The following IMMP2L variants were observed in gnomAD, a reference collection of about 807,000 sequenced individuals.
The protein encoded by IMMP2L is mitochondrial inner membrane protease subunit 2.
In IMMP2L, 18 loss-of-function variants were observed where a neutral mutation model predicts 19.3. The ratio of observed to expected loss-of-function variants is 0.93; its 90% CI spans 0.64 to 1.38. IMMP2L has a LOEUF of 1.38. Ranked by LOEUF, IMMP2L falls within the 40% of genes most tolerant of loss-of-function variation. The pLI is 0.00. For missense variants in IMMP2L, 233 were observed against 218.2 expected, an observed-to-expected ratio of 1.07 and a Z score of -0.43; for synonymous variants, 76 against 73.0, an observed-to-expected ratio of 1.04 and a Z score of -0.21.
At chr7:110,936,832 A>T (rs1048030714) in intron 4 of IMMP2L, among the ~76,000 whole-genome samples, 1 of 152,196 alleles carries the variant, frequency 6.6e-6, no homozygotes, top group African/African-American at 2.4e-5. Flanking sequence ...AGATAAAGAA[A>T]ATGTGGTACA....
intron 3 of IMMP2L, among the ~76,000 whole-genome samples, chr7:111,354,586 A>T (rs916808722): frequency 1.3e-5 from 2 of 148,518 alleles, no homozygotes; most frequent in Non-Finnish European, 3.0e-5. Context: ...ATAAGGCTTT[A>T]AAAAAAAAAG....
intron 3 of IMMP2L, among the ~76,000 whole-genome samples, chr7:111,241,192 T>A (rs1042370716): frequency 6.6e-6 from 1 of 151,970 alleles, no homozygotes; most frequent in Non-Finnish European, 1.5e-5. Context: ...TCAATAAGAT[T>A]ACATATATTT....
At chr7:111,548,787 T>C (rs1849179330) in intron 1 of IMMP2L, among the ~76,000 whole-genome samples, 1 of 152,212 alleles carries the variant, frequency 6.6e-6, no homozygotes, top group African/African-American at 2.4e-5. Context: ...CCTATTTCTA[T>C]TCTCTTCCCA....
At chr7:110,974,630 C>T (rs1820505514) in intron 3 of IMMP2L, among the ~76,000 whole-genome samples, 1 of 152,030 alleles carries the variant, frequency 6.6e-6, no homozygotes, top group African/African-American at 2.4e-5. Flanking sequence ...CATCTGTTTG[C>T]CTTGCTTTTT....
chr7:111,017,006 T>A (rs1825774171), intron 3 of IMMP2L, among the ~76,000 whole-genome samples: 1 of 131,938 alleles, frequency 7.6e-6, no homozygotes, highest in Admixed American at 9.1e-5. Context: ...ATATTATATA[T>A]AAACATTATA....
chr7:111,123,506 A>G lies in IMMP2L; in HGVS notation c.240-159941T>C, dbSNP rs766534500. 2.5e-6 allele frequency: 4 copies of G among 1,613,798 alleles called. No individual in the cohort carries two copies. Among genetic ancestry groups the G allele is most frequent in the Non-Finnish European group, 1.7e-6 (2 of 1,179,950 alleles). ...AACTTAGAAAGCATCTCTTTTTACG[A>G]TAACAGGCTTATTAAAGTACCCCAT... On this transcript the variant is annotated intron_variant, in intron 3 of 5. Transcript: ENST00000405709. The surrounding 1 kb of genome is among the most constrained non-coding windows in gnomAD (Gnocchi z 6.4).
chr7:111,023,672 A>G lies in IMMP2L; in HGVS notation c.240-60107T>C, dbSNP rs1358112231. 1.3e-5 allele frequency among the ~76,000 whole-genome samples: 2 copies of G among 152,184 alleles called. 1 individual carries two copies. ...CAGTGAGCCGAGATCATGCCATTGC[A>G]CTCCAGCCTGGGTAACCAGAGCAAA... On this transcript the variant is annotated intron_variant, in intron 3 of 5. Coordinates refer to ENST00000405709, the MANE Select transcript of IMMP2L (RefSeq NM_032549.4).
At chr7:111,312,864 G>C (rs1823663584) in intron 3 of IMMP2L, among the ~76,000 whole-genome samples, 1 of 152,018 alleles carries the variant, frequency 6.6e-6, no homozygotes, top group South Asian at 2.1e-4. Context: ...AAAGAAAGCA[G>C]AAACTACTAT....
At chr7:110,873,656 C>A (rs991103432) in intron 5 of IMMP2L, among the ~76,000 whole-genome samples, 47 of 150,998 alleles carry the variant, frequency 3.1e-4, no homozygotes, top group African/African-American at 1.1e-3. Flanking sequence ...CACCTGTAAT[C>A]CCAGCTACTC....
rs1563329904 is a variant in IMMP2L, at chr7:111,539,132, A to AGG, written c.-2-17684_-2-17683insCC. Among the ~76,000 whole-genome samples the AGG allele has an allele frequency of 2.6e-3, 163 of 61,646 alleles. 2 individuals carry two copies. The highest frequency in any genetic ancestry group is 0.01 in the African/African-American group (159 of 15,432). The allele number at this position is 61,646 out of a possible 152,430, so 40.4% of individuals were successfully genotyped here. On this transcript the variant is annotated intron_variant, in intron 1 of 5. Coordinates refer to ENST00000405709, the MANE Select transcript of IMMP2L (RefSeq NM_032549.4). ...GACTCCATCTCACAAAAAGAAAAGA[A>AGG]AAGGAAGGAAGGAAGGAAGGAAGGA...
At chr7:111,498,088 T>C (rs1297022822) in intron 2 of IMMP2L, among the ~76,000 whole-genome samples, 1 of 152,048 alleles carries the variant, frequency 6.6e-6, no homozygotes, top group Non-Finnish European at 1.5e-5. Flanking sequence ...ATTACTAATA[T>C]TTTTAAAGTT....
At chr7:111,250,946 C>T (rs1331989165) in intron 3 of IMMP2L, among the ~76,000 whole-genome samples, 1 of 152,106 alleles carries the variant, frequency 6.6e-6, no homozygotes, top group African/African-American at 2.4e-5. Context: ...GCAAAAGAAA[C>T]TATTATCAGA....
intron 3 of IMMP2L, among the ~76,000 whole-genome samples, chr7:111,024,465 C>A (rs999094000): frequency 6.6e-6 from 1 of 152,138 alleles, no homozygotes; most frequent in Non-Finnish European, 1.5e-5. Flanking sequence ...TCACCTCAAC[C>A]CAGGTAGTCT....
intron 3 of IMMP2L, among the ~76,000 whole-genome samples, chr7:111,189,035 C>T (rs1401191025): frequency 2.6e-5 from 4 of 152,030 alleles, no homozygotes; most frequent in Non-Finnish European, 5.9e-5. Flanking sequence ...CTACTAGTAC[C>T]GTTGAGAAAA....
At chr7:111,560,794 G>C (rs1791956834) in intron 1 of IMMP2L, among the ~76,000 whole-genome samples, 2 of 152,172 alleles carry the variant, frequency 1.3e-5, no homozygotes, top group African/African-American at 2.4e-5. Flanking sequence ...ATTAGCTATT[G>C]AATCAATGAA....
At chr7:110,749,544 C>T (rs960637515) in intron 5 of IMMP2L, among the ~76,000 whole-genome samples, 1 of 152,158 alleles carries the variant, frequency 6.6e-6, no homozygotes, top group African/African-American at 2.4e-5. Flanking sequence ...GGCACATATA[C>T]ACCATGGAAT....
At chr7:111,341,684 G>A (rs118030735) in intron 3 of IMMP2L, among the ~76,000 whole-genome samples, 1,573 of 152,206 alleles carry the variant, frequency 0.01, 13 homozygotes, top group Non-Finnish European at 0.016. Flanking sequence ...AACCAAAAAG[G>A]CAGATTTTTC....
chr7:111,490,803 A>G (rs1407537556), intron 2 of IMMP2L, among the ~76,000 whole-genome samples: 1 of 152,120 alleles, frequency 6.6e-6, no homozygotes, highest in Non-Finnish European at 1.5e-5. Context: ...AGTACTTACC[A>G]TGTGTCCTGG....
intron 3 of IMMP2L, among the ~76,000 whole-genome samples, chr7:111,017,599 C>A (rs537081323): frequency 6.6e-6 from 1 of 152,258 alleles, no homozygotes; most frequent in African/African-American, 2.4e-5. Flanking sequence ...TTTCTTTTTA[C>A]TCCCCTTCAG....
Sources: allele counts gnomAD v4.1 joint callset (sites outside exome capture counted in the v4.1 genomes callset), GRCh38; gene constraint gnomAD v4.1.1; non-coding constraint Gnocchi (gnomAD v3.1); transcripts MANE v1.5; gene names NCBI Gene and HGNC (gene_info 2026-07-23, HGNC 2026-07-21).